ASCC3: variants seen among roughly 807,000 people sequenced by gnomAD.
The protein encoded by ASCC3 is ASC-1 complex subunit P200.
Under a neutral mutation model 256.3 loss-of-function variants are expected in ASCC3, and 158 were observed. That is an observed-to-expected ratio of 0.62 (90% CI 0.54 to 0.70). The LOEUF (loss-of-function observed/expected upper bound fraction) is 0.70. Among genes scored for constraint, ASCC3 ranks in the 30% least tolerant of loss-of-function variants. The pLI is 0.00. For synonymous variants in ASCC3, 948 were observed against 883.4 expected, an observed-to-expected ratio of 1.07 and a Z score of -1.30; for missense variants, 2,259 against 2,626.0, an observed-to-expected ratio of 0.86 and a Z score of 3.05.
At chr6:100,540,550 T>C (rs1191995917) in intron 36 of ASCC3, among the ~76,000 whole-genome samples, 163 bp from the exon 37 acceptor site, 1 of 152,202 alleles carries the variant, frequency 6.6e-6, no homozygotes, top group African/African-American at 2.4e-5. Flanking sequence ...AAGCAATGTA[T>C]TAATGATAGT....
chr6:100,519,280 A>AT (rs1774185870), intron 37 of ASCC3, among the ~76,000 whole-genome samples: 2 of 152,254 alleles, frequency 1.3e-5, no homozygotes, highest in South Asian at 4.1e-4. Flanking sequence ...ATCATGATTC[A>AT]TGTGATGGCA....
At chr6:100,548,844 C>T (rs201127251) in intron 36 of ASCC3, among the ~76,000 whole-genome samples, 1 of 151,722 alleles carries the variant, frequency 6.6e-6, no homozygotes, top group African/African-American at 2.4e-5. Context: ...AGAACCCCAG[C>T]GGACACATGA....
chr6:100,769,658 G>A (rs144183889), intron 8 of ASCC3, among the ~76,000 whole-genome samples: 1 of 151,668 alleles, frequency 6.6e-6, no homozygotes, highest in Admixed American at 6.6e-5. Flanking sequence ...AACAGAAAAG[G>A]ATGATTCTTT....
rs1196291919 is a variant in ASCC3 at position 100,652,837 on chromosome 6, C to T, written c.2876G>A (p.Arg959Gln). 1.2e-5 allele frequency: 20 copies of T among 1,613,746 alleles called. No individual in the cohort carries two copies. Among genetic ancestry groups the T allele is most frequent in the Admixed American group, 1.7e-5 (1 of 59,990 alleles). ...HREQLVIEVG[R>Q]KLDKAQMIRF... The stretch of plus-strand genomic sequence containing the variant: ...AATCATCTGAGCTTTGTCTAGTTTT[C>T]GTCCAACTTCAATGACCAACTGTTC... The change falls in exon 18 of 42, where the codon CGA becomes CAA. Residue 959 changes from arginine (R) to glutamine (Q), a missense_variant. Physicochemically the swap from Arg to Gln is conservative, Grantham distance 43. This residue lies in a region of ASCC3 where 1,839 missense variants were observed against 2,206.7 expected (regional missense o/e 0.83). Coordinates refer to ENST00000369162, the MANE Select transcript of ASCC3 (RefSeq NM_006828.4).
chr6:100,813,189 C>T (rs745695388), intron 4 of ASCC3, among the ~76,000 whole-genome samples: 1 of 152,116 alleles, frequency 6.6e-6, no homozygotes, highest in Non-Finnish European at 1.5e-5. Flanking sequence ...GGTGCGGTGG[C>T]TCATGCCTGT....
intron 3 of ASCC3, among the ~76,000 whole-genome samples, chr6:100,854,978 A>C (rs1215459731): frequency 6.6e-6 from 1 of 152,184 alleles, no homozygotes; most frequent in Admixed American, 6.5e-5. Context: ...TATACTCGTA[A>C]TACTATTTAA....
Position 100,650,569 on chromosome 6 carries a change from G to C in ASCC3, c.3221C>G (p.Ser1074Cys). The C allele has an allele frequency of 6.2e-7, 1 of 1,612,636 alleles. No homozygotes were observed. The highest frequency in any genetic ancestry group is 8.5e-7 in the Non-Finnish European group (1 of 1,179,038). Residue 1074 changes from serine to cysteine, a missense_variant, in exon 20 of 42, where the codon TCC becomes TGC. Coordinates refer to ENST00000369162, the MANE Select transcript of ASCC3 (RefSeq NM_006828.4). ...YISRGEMDSF[S>C]LISDSAYVAQ... ...AACATATGCAGAATCTGATATAAGG[G>C]AGAAACTGTCCATTTCTCCTCGGCT...
intron 8 of ASCC3, among the ~76,000 whole-genome samples, chr6:100,792,754 A>G (rs892792462): frequency 2.0e-5 from 3 of 151,904 alleles, no homozygotes; most frequent in African/African-American, 7.2e-5. Flanking sequence ...AGTTCATCCA[A>G]TTTAGAATGA....
chr6:100,709,894 T>A (rs1436933196), intron 13 of ASCC3, among the ~76,000 whole-genome samples: 1 of 152,198 alleles, frequency 6.6e-6, no homozygotes, highest in Admixed American at 6.5e-5. Context: ...TGTCATTTTA[T>A]TTTTATAGCT....
At chr6:100,518,735 T>A (rs1486091252) in intron 37 of ASCC3, among the ~76,000 whole-genome samples, 3 of 152,138 alleles carry the variant, frequency 2.0e-5, no homozygotes, top group Admixed American at 6.6e-5. Flanking sequence ...TAATGTTTTA[T>A]GGACAAACAA....
intron 4 of ASCC3, among the ~76,000 whole-genome samples, chr6:100,844,784 G>C (rs2114494998): frequency 6.6e-6 from 1 of 152,170 alleles, no homozygotes; most frequent in Non-Finnish European, 1.5e-5. Flanking sequence ...GATGATATTG[G>C]CAAAAGCTAA....
chr6:100,722,579 T>C (rs1417827888), intron 11 of ASCC3, among the ~76,000 whole-genome samples: 3 of 151,808 alleles, frequency 2.0e-5, no homozygotes, highest in African/African-American at 7.2e-5. Context: ...TTTATCACTA[T>C]ATCTATAGCA....
At position 100,613,238 on chromosome 6, in the gene ASCC3, G is replaced by A. The variant is rs560035238; in HGVS notation, c.4786-6150C>T. On this transcript the variant is annotated intron_variant, in intron 30 of 41. Transcript: ENST00000369162. ...TGTACCCATTAAGTAATTACTCATA[G>A]TCTACCTCCCTCCTACTCTGTCACC... Among the ~76,000 whole-genome samples the A allele has an allele frequency of 9.2e-5, 14 of 151,874 alleles. No individual in the cohort carries two copies. The East Asian group carries it at 2.1e-3, about 23-fold the overall frequency.
chr6:100,813,467 C>T (rs999679813), intron 4 of ASCC3, among the ~76,000 whole-genome samples: 1 of 149,290 alleles, frequency 6.7e-6, no homozygotes, highest in African/African-American at 2.5e-5. Context: ...CAAAAAACAA[C>T]AACAACAAAA....
intron 25 of ASCC3, among the ~76,000 whole-genome samples, chr6:100,636,276 TG>T (rs1774838581): frequency 6.6e-6 from 1 of 152,204 alleles, no homozygotes; most frequent in Non-Finnish European, 1.5e-5. Flanking sequence ...TAACTTTTTC[TG>T]TATTATTATA....
chr6:100,581,448 A>T lies in ASCC3; in HGVS notation c.5550+8186T>A, dbSNP rs1426239201. ...TGGGGTTGTTTGTTTTTTTCTTGTA[A>T]ATTTGTTTAAGTTCATTGTAGATTC... On this transcript the variant is annotated intron_variant, in intron 36 of 41. Transcript: ENST00000369162. 2.0e-5 allele frequency among the ~76,000 whole-genome samples: 3 copies of T among 151,846 alleles called. No homozygotes were observed. In the East Asian group the frequency reaches 5.8e-4, roughly 30 times the overall value.
At chr6:100,512,408 C>T (rs906533176) in intron 40 of ASCC3, among the ~76,000 whole-genome samples, 5 of 152,108 alleles carry the variant, frequency 3.3e-5, no homozygotes, top group Admixed American at 1.3e-4. Flanking sequence ...TGGAGTGGGG[C>T]CAAGGAATCT....
chr6:100,552,844 T>C, intron 36 of ASCC3, among the ~76,000 whole-genome samples: 1 of 152,002 alleles, frequency 6.6e-6, no homozygotes, highest in Non-Finnish European at 1.5e-5. Flanking sequence ...AAATATTATA[T>C]ATTTTAGATT....
At chr6:100,686,722 T>C (rs1227827890) in intron 13 of ASCC3, among the ~76,000 whole-genome samples, 1 of 152,174 alleles carries the variant, frequency 6.6e-6, no homozygotes, top group African/African-American at 2.4e-5. Flanking sequence ...CAAGTCATTT[T>C]ACATGTTTGT....
Sources: gnomAD v4.1 joint callset for allele counts (sites outside exome capture counted in the v4.1 genomes callset) on GRCh38, gnomAD v4.1.1 for gene constraint, gnomAD v4.1.1 regional missense constraint, MANE v1.5 for transcripts, NCBI Gene and HGNC (gene_info 2026-07-23, HGNC 2026-07-21) for gene names.